The following CTBP2 variants were observed in gnomAD, a reference collection of about 807,000 sequenced individuals.
The protein encoded by CTBP2 is C-terminal-binding protein 2.
In CTBP2, 30 loss-of-function variants were observed where a neutral mutation model predicts 80.3. That is an observed-to-expected ratio of 0.37 (90% CI 0.28 to 0.51). The LOEUF is 0.51. Ranked by LOEUF, CTBP2 falls within the 20% of genes least tolerant of loss-of-function variation. The probability of loss-of-function intolerance (pLI) is 0.93; values close to 1 mark genes in which losing one functional copy is unlikely to be tolerated. For missense variants in CTBP2, 1,212 were observed against 1,375.3 expected (o/e 0.88, Z 1.88); for synonymous variants, 594 against 587.4 (o/e 1.01, Z -0.16).
intron 3 of CTBP2, 24 bp from the exon 6 acceptor site, chr10:124,998,194 G>A (rs775750457): frequency 3.0e-5 from 47 of 1,580,300 alleles, no homozygotes; most frequent in Admixed American, 1.3e-4. Flanking sequence ...GGCCAAGGCC[G>A]GAGATGAGAA....
chr10:125,105,402 T>C (rs1440734676), intron 2 of CTBP2, among the ~76,000 whole-genome samples: 3 of 152,238 alleles, frequency 2.0e-5, no homozygotes, highest in Non-Finnish European at 4.4e-5. Context: ...TCTGCCCTCC[T>C]TGGCCTAAAT....
At chr10:125,025,965 T>G in intron 1 of CTBP2, 2 of 1,271,180 alleles carry the variant, frequency 1.6e-6, no homozygotes, top group East Asian at 2.4e-5. Context: ...TTTGGTGGTG[T>G]GTGTGTGTGT....
Position 125,027,856 on chromosome 10 carries a change from C to G in CTBP2, c.-97G>C. ...AAACAGACCTGGCTGTGTGCTAACC[C>G]TTCCGAGACGGCAGGGACAACCAAC... On this transcript the variant is annotated 5_prime_UTR_variant, in exon 1 of 9. Coordinates refer to ENST00000309035, the MANE Select transcript of CTBP2 (RefSeq NM_022802.3). 1 of 1,431,160 alleles carries G rather than the reference C, an allele frequency of 7.0e-7. No homozygotes were observed. 88.7% of individuals were successfully genotyped at this position (1,431,160 alleles called of 1,614,324 possible).
intron 1 of CTBP2, among the ~76,000 whole-genome samples, chr10:125,013,407 T>TCGAGCGGG (rs1465877056): frequency 2.0e-5 from 3 of 152,236 alleles, no homozygotes; most frequent in African/African-American, 7.2e-5. Context: ...TAAAATAGTC[T>TCGAGCGGG]CGTGCGGGCA....
chr10:125,001,010 A>G (rs1954408144), intron 3 of CTBP2: 1 of 152,256 alleles, frequency 6.6e-6, no homozygotes, highest in Non-Finnish European at 1.5e-5. Flanking sequence ...CAGCCCTTCT[A>G]CATTTTCCAA....
intron 2 of CTBP2, among the ~76,000 whole-genome samples, chr10:125,070,953 T>A (rs1405152397): frequency 2.0e-5 from 3 of 152,210 alleles, no homozygotes; most frequent in Non-Finnish European, 4.4e-5. Context: ...AAATAAAAAC[T>A]TTTTAACCAA....
chr10:125,104,017 A>C (rs1031459121), intron 2 of CTBP2, among the ~76,000 whole-genome samples: 1 of 152,226 alleles, frequency 6.6e-6, no homozygotes. Context: ...GAACCGGAAG[A>C]GGGAAGGTGA....
intron 2 of CTBP2, among the ~76,000 whole-genome samples, chr10:125,108,423 CCTT>C (rs1332235559): frequency 6.6e-6 from 1 of 152,196 alleles, no homozygotes; most frequent in Non-Finnish European, 1.5e-5. Flanking sequence ...TCATCTACCT[CCTT>C]CTTCTGTGCC....
chr10:125,160,450 C>T, exon 1 of CTBP2: 1 of 151,160 alleles, frequency 6.6e-6, no homozygotes, highest in Non-Finnish European at 1.5e-5. Flanking sequence ...CCCCTCAGCG[C>T]GGCATGGCTC....
At chr10:125,063,043 G>C (rs1844057512) in intron 2 of CTBP2, among the ~76,000 whole-genome samples, 1 of 152,180 alleles carries the variant, frequency 6.6e-6, no homozygotes, top group African/African-American at 2.4e-5. Flanking sequence ...GCCAAAGAAA[G>C]GACAGCTCCC....
intron 2 of CTBP2, among the ~76,000 whole-genome samples, chr10:125,063,683 C>T (rs1247504326): frequency 1.3e-5 from 2 of 152,228 alleles, no homozygotes; most frequent in Non-Finnish European, 2.9e-5. Flanking sequence ...GGTTTAACTA[C>T]ATCACCTGAG....
chr10:125,016,630 A>T (rs1027907276), intron 1 of CTBP2, among the ~76,000 whole-genome samples: 1 of 152,230 alleles, frequency 6.6e-6, no homozygotes, highest in Non-Finnish European at 1.5e-5. Context: ...AGTGGTCCTA[A>T]AACCCAAGAG....
At chr10:125,024,940 A>C (rs185298774) in intron 1 of CTBP2, among the ~76,000 whole-genome samples, 12 of 152,216 alleles carry the variant, frequency 7.9e-5, no homozygotes, top group African/African-American at 2.7e-4. Flanking sequence ...CTCCACTTGG[A>C]AACAAAATGC....
chr10:125,118,216 T>C (rs952207743), intron 1 of CTBP2, among the ~76,000 whole-genome samples: 1 of 152,016 alleles, frequency 6.6e-6, no homozygotes, highest in African/African-American at 2.4e-5. Context: ...TTTCAGCTTT[T>C]CTAGATGACA....
intron 1 of CTBP2, among the ~76,000 whole-genome samples, chr10:125,145,591 G>A (rs1858619203): frequency 6.6e-6 from 1 of 152,152 alleles, no homozygotes; most frequent in African/African-American, 2.4e-5. Flanking sequence ...CTCCCTGCTA[G>A]GAAGAAGAAG....
chr10:125,128,990 T>C (rs1450094945), intron 1 of CTBP2, among the ~76,000 whole-genome samples: 1 of 152,156 alleles, frequency 6.6e-6, no homozygotes, highest in African/African-American at 2.4e-5. Flanking sequence ...GAGAATAATC[T>C]GGCCCAAAAT....
chr10:125,012,548 T>A lies in CTBP2; in HGVS notation c.1679-9056A>T, dbSNP rs1956049163. ...GCCCTGGGGTTCTCACTCCCCCACC[T>A]GCCTGTGCCTCTGCATACCCCACTC... is the stretch of plus-strand genomic sequence containing the variant. On this transcript the variant is annotated intron_variant, in intron 1 of 8. Transcript: ENST00000309035. Among the ~76,000 whole-genome samples the A allele has an allele frequency of 2.0e-5, 3 of 152,318 alleles. No individual in the cohort carries two copies. The South Asian group carries it at 6.2e-4, about 32-fold the overall frequency.
At chr10:124,999,810 G>A (rs1337964314) in intron 3 of CTBP2, 1 of 152,262 alleles carries the variant, frequency 6.6e-6, no homozygotes, top group African/African-American at 2.4e-5. Flanking sequence ...TGAGGCTGAT[G>A]CCAGAGGTTC....
intron 1 of CTBP2, among the ~76,000 whole-genome samples, chr10:125,142,077 C>G (rs999763936): frequency 6.6e-6 from 1 of 152,194 alleles, no homozygotes. Context: ...TTAGATGCAC[C>G]AGGGCCTGCA....
Sources: allele counts gnomAD v4.1 joint callset (sites outside exome capture counted in the v4.1 genomes callset), GRCh38; gene constraint gnomAD v4.1.1; transcripts MANE v1.5; gene names NCBI Gene and HGNC (gene_info 2026-07-23, HGNC 2026-07-21).